Variants in ADSL observed in about 807,000 individuals in gnomAD.
ADSL encodes the protein adenylosuccinase.
ADSL carries 44 observed loss-of-function variants against 62.1 expected under a neutral mutation model. The ratio of observed to expected loss-of-function variants is 0.71; its 90% CI spans 0.56 to 0.91. ADSL has a LOEUF of 0.91. Ranked by LOEUF, ADSL falls within the 40% of genes least tolerant of loss-of-function variation. The probability of loss-of-function intolerance (pLI) is 0.00; values close to 1 mark genes in which losing one functional copy is unlikely to be tolerated. For synonymous variants in ADSL, 198 were observed against 220.5 expected (o/e 0.90, Z 0.90); for missense variants, 531 against 627.4 (o/e 0.85, Z 1.64).
chr22:40,349,983 C>G lies in ADSL; in HGVS notation c.305C>G (p.Ala102Gly), dbSNP rs369139561. ...ACATTTGGCCACTGCTGTCCAAAAGCTGCAGGCATTATTCACCTTGGTGCT... is the reference window on the plus strand; with the variant it reads ...ACATTTGGCCACTGCTGTCCAAAAGGTGCAGGCATTATTCACCTTGGTGCT... ...VHTFGHCCPKAAGIIHLGATS... is the reference protein window; with the variant it reads ...VHTFGHCCPKGAGIIHLGATS... The change falls in exon 2 of 13, where the codon GCT (alanine) becomes GGT (glycine). Residue 102 changes from alanine (A) to glycine (G), a missense_variant. Physicochemically the swap from Ala to Gly is moderately conservative, Grantham distance 60 (BLOSUM62 0). Transcript: ENST00000623063. 3 of 1,613,998 alleles carry G rather than the reference C, an allele frequency of 1.9e-6. No individual in the cohort carries two copies. The highest frequency in any genetic ancestry group is 2.5e-6 in the Non-Finnish European group (3 of 1,180,000).
intron 2 of ADSL, among the ~76,000 whole-genome samples, chr22:40,380,221 G>C (rs1205613374): frequency 6.6e-6 from 1 of 152,082 alleles, no homozygotes; most frequent in Admixed American, 6.5e-5. Flanking sequence ...TTAATGCTGT[G>C]TGTGTATTTG....
downstream of ADSL, among the ~76,000 whole-genome samples, chr22:40,371,854 G>C (rs1170636735): frequency 6.8e-6 from 1 of 147,368 alleles, no homozygotes; most frequent in African/African-American, 2.5e-5. Flanking sequence ...CCGCCACCAC[G>C]CCCGGCTAAT....
At chr22:40,384,685 C>T (rs538735320) in intron 2 of ADSL, among the ~76,000 whole-genome samples, 4 of 152,106 alleles carry the variant, frequency 2.6e-5, no homozygotes, top group Admixed American at 1.3e-4. Flanking sequence ...GAGGCTAAGG[C>T]GGGAGAATGG....
At chr22:40,382,354 T>C (rs376385937) in intron 2 of ADSL, among the ~76,000 whole-genome samples, 143 of 152,252 alleles carry the variant, frequency 9.4e-4, no homozygotes, top group Admixed American at 2.3e-3. Context: ...TAGGTAGTTT[T>C]TCCTGGGGTA....
rs750871310 is a variant in ADSL at position 40,349,847 on chromosome 22, A to C, written c.169A>C (p.Ile57Leu). The change falls in exon 2 of 13, where the codon ATC becomes CTC. Residue 57 changes from isoleucine (I) to leucine (L), a missense_variant. Physicochemically the swap from Ile to Leu is conservative, Grantham distance 5. Coordinates refer to ENST00000623063, the MANE Select transcript of ADSL (RefSeq NM_000026.4). Reference protein sequence around the residue: ...AEAEQTLGLPITDEQIQEMKS... With the variant: ...AEAEQTLGLPLTDEQIQEMKS... ...TATTCTGCAGACATTGGGTTTGCCT[A>C]TCACAGATGAACAAATCCAGGAGAT... 1.2e-6 allele frequency: 2 copies of C among 1,614,142 alleles called. No individual in the cohort carries two copies. Among genetic ancestry groups the C allele is most frequent in the Non-Finnish European group, 1.7e-6 (2 of 1,180,008 alleles).
chr22:40,366,876 C>A lies in ADSL; in HGVS notation c.*354C>A. On this transcript the variant is annotated 3_prime_UTR_variant, in exon 13 of 13. Coordinates refer to ENST00000623063, the MANE Select transcript of ADSL (RefSeq NM_000026.4). Reference sequence around the variant, plus strand: ...AAAAGTGAATTTGATCTAGGTCTAGCAAAATAACCTGGACTCAGTGATTGA... The same window carrying A: ...AAAAGTGAATTTGATCTAGGTCTAGAAAAATAACCTGGACTCAGTGATTGA... 1 of 309,548 alleles carries A rather than the reference C, an allele frequency of 3.2e-6. No homozygotes were observed. The highest frequency in any genetic ancestry group is 3.0e-5 in the South Asian group (1 of 33,612). 19.2% of individuals were successfully genotyped at this position (309,548 alleles called of 1,614,324 possible).
In ADSL at chr22:40,363,062, G is replaced by A. The variant is rs1303477707; in HGVS notation, c.1092G>A (p.Val364=). The A allele has an allele frequency of 5.0e-6, 8 of 1,613,846 alleles. No individual in the cohort carries two copies. Among genetic ancestry groups the A allele is most frequent in the South Asian group, 1.1e-5 (1 of 91,078 alleles). The change falls in exon 10 of 13, where the codon GTG becomes GTA. Residue 364 remains valine (V), a synonymous_variant. Transcript: ENST00000623063. ...TLQNISEGLV[V]YPKVIERRIR... ...AGAACATTTCTGAAGGATTGGTCGT[G>A]TACCCCAAAGTAAGAAGCCTCAATT...
chr22:40,382,382 T>G (rs1013210769), intron 2 of ADSL, among the ~76,000 whole-genome samples: 6 of 152,138 alleles, frequency 3.9e-5, no homozygotes, highest in African/African-American at 1.4e-4. Context: ...CAGTTGCAGC[T>G]AGGTGGGACT....
intron 2 of ADSL, among the ~76,000 whole-genome samples, chr22:40,377,864 G>T (rs1356464312): frequency 6.7e-6 from 1 of 148,510 alleles, no homozygotes; most frequent in African/African-American, 2.5e-5. Flanking sequence ...AAAAAAAAAA[G>T]TTAAAATAAT....
rs774021387 is a variant in ADSL at position 40,354,340 on chromosome 22, A to T, written c.482+13A>T. 4 of 1,606,598 alleles carry T rather than the reference A, an allele frequency of 2.5e-6. No homozygotes were observed. Among genetic ancestry groups the T allele is most frequent in the Non-Finnish European group, 3.4e-6 (4 of 1,173,118 alleles). On this transcript the variant is annotated intron_variant, in intron 4 of 12. Coordinates refer to ENST00000623063, the MANE Select transcript of ADSL (RefSeq NM_000026.4). ...TCACACATTTCCAGTAAGTGATAAGATTACTTCTTGTTTATGTGCATATGG... is the reference window on the plus strand; with the variant it reads ...TCACACATTTCCAGTAAGTGATAAGTTTACTTCTTGTTTATGTGCATATGG...
intron 2 of ADSL, among the ~76,000 whole-genome samples, chr22:40,352,322 T>G (rs2044377643): frequency 6.6e-6 from 1 of 152,058 alleles, no homozygotes; most frequent in South Asian, 2.1e-4. Flanking sequence ...GGTCAGGTGA[T>G]TGAGACCATC....
chr22:40,354,142 G>A (rs1483136706), intron 3 of ADSL, 106 bp from the exon 4 acceptor site: 7 of 1,016,152 alleles, frequency 6.9e-6, no homozygotes, highest in Non-Finnish European at 1.1e-5. Flanking sequence ...CCTTTCATGA[G>A]TTAGCGGTCT....
At chr22:40,347,256 T>G (rs1233926414) in intron 1 of ADSL, 1 of 154,704 alleles carries the variant, frequency 6.5e-6, no homozygotes, top group Admixed American at 6.3e-5. Context: ...TTTTCCACAG[T>G]GCCTGTGTAG....
chr22:40,354,090 C>T, intron 3 of ADSL, 158 bp from the exon 4 acceptor site: 1 of 749,728 alleles, frequency 1.3e-6, no homozygotes, highest in South Asian at 1.5e-5. Context: ...GTGAACTCTT[C>T]CAGGCACTTT....
At chr22:40,375,910 G>A (rs978320786) in intron 2 of ADSL, among the ~76,000 whole-genome samples, 2 of 151,904 alleles carry the variant, frequency 1.3e-5, no homozygotes, top group African/African-American at 4.8e-5. Flanking sequence ...ATATGGTGGC[G>A]TGTGCTTGTG....
chr22:40,353,703 G>A (rs976593360), intron 3 of ADSL: 2 of 266,604 alleles, frequency 7.5e-6, no homozygotes, highest in East Asian at 1.1e-4. Flanking sequence ...TCAGCTCACT[G>A]CAAGCTCCAC....
chr22:40,370,579 A>G (rs1006907310), downstream of ADSL: 1 of 152,330 alleles, frequency 6.6e-6, no homozygotes, highest in East Asian at 1.9e-4. Context: ...GCGGCCGCCC[A>G]TGCCACGCCC....
At chr22:40,353,683 T>G (rs900762648) in intron 3 of ADSL, 2 of 299,898 alleles carry the variant, frequency 6.7e-6, no homozygotes, top group Non-Finnish European at 1.2e-5. Context: ...TGGAGTGCAG[T>G]GGCACAGTCT....
At chr22:40,373,548 TTAATG>T (rs757024380), downstream of ADSL, 1 of 152,194 alleles carries the variant, frequency 6.6e-6, no homozygotes, top group Non-Finnish European at 1.5e-5. Context: ...AGTTTAGAGA[TTAATG>T]AGAGAGGGTA....
Sources: allele counts gnomAD v4.1 joint callset (sites outside exome capture counted in the v4.1 genomes callset), GRCh38; gene constraint gnomAD v4.1.1; transcripts MANE v1.5; gene names NCBI Gene and HGNC (gene_info 2026-07-23, HGNC 2026-07-21).